Variants in PFKFB3 observed in about 807,000 individuals in gnomAD.
PFKFB3 encodes the protein 6-phosphofructo-2-kinase/fructose-2,6-bisphosphatase 3.
In PFKFB3, 33 loss-of-function variants were observed where a neutral mutation model predicts 68.0. That is an observed-to-expected ratio of 0.49 (90% CI 0.37 to 0.65). The LOEUF is 0.65. Among genes scored for constraint, PFKFB3 ranks in the 30% least tolerant of loss-of-function variants. The pLI is 0.00. For missense variants in PFKFB3, 586 were observed against 712.2 expected (o/e 0.82, Z 2.02); for synonymous variants, 315 against 288.2 (o/e 1.09, Z -0.94).
At chr10:6,271,918 G>A in the PFKFB3 span, among the ~76,000 whole-genome samples, 1 of 152,290 alleles carries the variant, frequency 6.6e-6, no homozygotes, top group African/African-American at 2.4e-5. Context: ...GCTATCAGAG[G>A]GTGGGTGTGG....
chr10:6,270,533 C>G, the PFKFB3 span, among the ~76,000 whole-genome samples: 2 of 152,196 alleles, frequency 1.3e-5, no homozygotes, highest in Non-Finnish European at 2.9e-5. Flanking sequence ...TCAGCCTACA[C>G]TCCTCGGCCA....
chr10:6,219,741 T>C (rs1557111), intron 7 of PFKFB3, 48 bp downstream of exon 7: 1,110,969 of 1,591,022 alleles, frequency 0.7, 389,587 homozygotes, highest in Middle Eastern at 0.73. Context: ...TGAGGGTTCT[T>C]ACTGAATTCT....
At chr10:6,309,007 C>G in the PFKFB3 span, among the ~76,000 whole-genome samples, 3 of 152,104 alleles carry the variant, frequency 2.0e-5, no homozygotes, top group Admixed American at 1.3e-4. Context: ...ACAGGACAAA[C>G]AAACTGATTT....
intron 14 of PFKFB3, among the ~76,000 whole-genome samples, chr10:6,241,825 TAA>T (rs368385599): frequency 5.9e-5 from 9 of 151,712 alleles, no homozygotes; most frequent in East Asian, 5.8e-4. Flanking sequence ...TTCTTTTTTT[TAA>T]TTTTTTTTTG....
chr10:6,205,144 CTG>C (rs1843600205), intron 1 of PFKFB3, among the ~76,000 whole-genome samples: 1 of 152,230 alleles, frequency 6.6e-6, no homozygotes, highest in Non-Finnish European at 1.5e-5. Context: ...GTCCCGCCTA[CTG>C]CTGGTATCCT....
chr10:6,210,998 G>A (rs1487025584), intron 1 of PFKFB3, among the ~76,000 whole-genome samples: 1 of 151,682 alleles, frequency 6.6e-6, no homozygotes, highest in African/African-American at 2.4e-5. Flanking sequence ...GTGAGCCACC[G>A]TGCCCGGTGC....
intron 1 of PFKFB3, among the ~76,000 whole-genome samples, chr10:6,155,451 G>A (rs528011438): frequency 1.3e-5 from 2 of 152,156 alleles, no homozygotes; most frequent in East Asian, 1.9e-4. Flanking sequence ...TGATCCGCCC[G>A]TCTCAGCCTC....
chr10:6,171,397 TTTC>T (rs200399461), intron 1 of PFKFB3, among the ~76,000 whole-genome samples: 2 of 150,820 alleles, frequency 1.3e-5, no homozygotes, highest in Admixed American at 6.7e-5. Context: ...TTGTTCTTTC[TTTC>T]TTTTTTTTTT....
At chr10:6,243,499 T>A (rs1227897320) in intron 14 of PFKFB3, among the ~76,000 whole-genome samples, 1 of 152,202 alleles carries the variant, frequency 6.6e-6, no homozygotes, top group Non-Finnish European at 1.5e-5. Context: ...GACACGACCC[T>A]GGGCAGGCTC....
intron 1 of PFKFB3, among the ~76,000 whole-genome samples, chr10:6,176,997 A>G (rs918450314): frequency 1.4e-4 from 22 of 152,250 alleles, no homozygotes; most frequent in African/African-American, 5.3e-4. Flanking sequence ...GCAGTGCCTG[A>G]CTTCCCGCTC....
intron 1 of PFKFB3, among the ~76,000 whole-genome samples, chr10:6,176,162 G>A (rs922554802): frequency 2.6e-5 from 4 of 152,208 alleles, no homozygotes; most frequent in African/African-American, 4.8e-5. Context: ...GAAGGGACAC[G>A]GTGGAAGAAT....
In PFKFB3 at chr10:6,226,190, A is replaced by G; in HGVS notation, c.1342-2A>G. 1.3e-6 allele frequency: 2 copies of G among 1,573,840 alleles called. No homozygotes were observed. Among genetic ancestry groups the G allele is most frequent in the Non-Finnish European group, 1.7e-6 (2 of 1,161,036 alleles). On this transcript the variant is annotated splice_acceptor_variant, in intron 13 of 14. Coordinates refer to ENST00000379775, the MANE Select transcript of PFKFB3 (RefSeq NM_004566.4). LOFTEE classifies it high-confidence loss of function. ...TCTCTCTTTTGTCTTTGTCTTGCTT[A>G]GGATGCAAAGAAGGGACCTAACCCG...
the PFKFB3 span, among the ~76,000 whole-genome samples, chr10:6,290,407 A>T: frequency 3.3e-3 from 506 of 152,132 alleles, 8 homozygotes; most frequent in African/African-American, 0.012. Flanking sequence ...GAGAGTTTTT[A>T]GCATGAAGCG....
chr10:6,196,994 A>ATTG (rs1028035336), intron 1 of PFKFB3, among the ~76,000 whole-genome samples: 6 of 151,362 alleles, frequency 4.0e-5, no homozygotes, highest in Non-Finnish European at 7.4e-5. Context: ...TATTATTATT[A>ATTG]TTATTTTTGA....
intron 1 of PFKFB3, among the ~76,000 whole-genome samples, chr10:6,209,655 G>A (rs148813077): frequency 0.17 from 25,652 of 151,760 alleles, 2,877 homozygotes; most frequent in Non-Finnish European, 0.26. Flanking sequence ...AGTATAGACG[G>A]GGTTTTGCCA....
chr10:6,147,354 G>A (rs143026822), intron 1 of PFKFB3, among the ~76,000 whole-genome samples: 58 of 152,340 alleles, frequency 3.8e-4, no homozygotes, highest in Non-Finnish European at 4.9e-4. Flanking sequence ...GAAGCCATCC[G>A]GAGAAGGCGT....
chr10:6,212,995 A>G (rs1008093057), intron 1 of PFKFB3, among the ~76,000 whole-genome samples: 1 of 152,058 alleles, frequency 6.6e-6, no homozygotes, highest in Non-Finnish European at 1.5e-5. Context: ...CCCTCGGGAG[A>G]GGAATCCTTT....
the PFKFB3 span, among the ~76,000 whole-genome samples, chr10:6,311,627 T>C: frequency 0.12 from 18,365 of 151,924 alleles, 1,212 homozygotes; most frequent in East Asian, 0.22. Context: ...CGGGCGCCTG[T>C]AATCCCAGCT....
At chr10:6,253,319 T>G (rs1238622704) in intron 14 of PFKFB3, among the ~76,000 whole-genome samples, 3 of 152,232 alleles carry the variant, frequency 2.0e-5, no homozygotes, top group Non-Finnish European at 4.4e-5. Context: ...TGACTGTTAG[T>G]CTTCTTCCTA....
Sources: gnomAD v4.1 joint callset for allele counts (sites outside exome capture counted in the v4.1 genomes callset) on GRCh38, gnomAD v4.1.1 for gene constraint, MANE v1.5 for transcripts, NCBI Gene and HGNC (gene_info 2026-07-23, HGNC 2026-07-21) for gene names.